The following ATF2 variants were observed in gnomAD, a reference collection of about 807,000 sequenced individuals.
ATF2 encodes cyclic AMP-dependent transcription factor ATF-2.
A neutral mutation model predicts 60.6 loss-of-function variants in ATF2; 24 were observed. The ratio of observed to expected loss-of-function variants is 0.40; its 90% CI spans 0.29 to 0.56. The LOEUF (loss-of-function observed/expected upper bound fraction) is 0.56. ATF2 is among the 20% of genes least tolerant of loss of function. The pLI is 0.54. For missense variants in ATF2, 433 were observed against 607.7 expected, an observed-to-expected ratio of 0.71 and a Z score of 3.02; for synonymous variants, 206 against 215.4, an observed-to-expected ratio of 0.96 and a Z score of 0.38.
intron 5 of ATF2, among the ~76,000 whole-genome samples, chr2:175,119,152 G>A (rs1696782380): frequency 6.6e-6 from 1 of 151,608 alleles, no homozygotes; most frequent in South Asian, 2.1e-4. Context: ...AAAAATGCCA[G>A]GTAAGATTTA....
chr2:175,160,828 C>A (rs1274434420), intron 1 of ATF2, among the ~76,000 whole-genome samples: 1 of 151,938 alleles, frequency 6.6e-6, no homozygotes, highest in African/African-American at 2.4e-5. Context: ...ATCGCTTGAG[C>A]CTGGGAGTTT....
intron 1 of ATF2, among the ~76,000 whole-genome samples, chr2:175,161,981 G>A (rs534856066): frequency 1.6e-4 from 24 of 152,132 alleles, no homozygotes; most frequent in Admixed American, 1.4e-3. Context: ...GGCTGGTCTC[G>A]AACTCCTGAC....
chr2:175,084,438 G>A (rs926782167), intron 12 of ATF2, among the ~76,000 whole-genome samples: 12 of 135,498 alleles, frequency 8.9e-5, no homozygotes, highest in African/African-American at 2.5e-4. Context: ...GATGGGAACC[G>A]AACAATGAGA....
In ATF2 at chr2:175,072,410, G is replaced by T. The variant is rs1050210874; in HGVS notation, c.*2199C>A. 6.6e-6 allele frequency: 1 copy of T among 152,126 alleles called. No individual in the cohort carries two copies. Among genetic ancestry groups the T allele is most frequent in the Non-Finnish European group, 1.5e-5 (1 of 68,016 alleles). The allele number at this position is 152,126 out of a possible 1,614,324, so 9.4% of individuals were successfully genotyped here. A position where few individuals can be genotyped will look rare whatever the true frequency, so the allele number is the denominator to read the frequency against. On this transcript the variant is annotated 3_prime_UTR_variant, in exon 14 of 14. Transcript: ENST00000264110. ...CATCCTGAAAGTCAAAATGGAATTT[G>T]TGTTTATACAACTAATAATGATTTT...
intron 2 of ATF2, among the ~76,000 whole-genome samples, chr2:175,138,089 T>A (rs767212617): frequency 1.3e-5 from 2 of 152,200 alleles, no homozygotes. Flanking sequence ...ATTGTTAATA[T>A]ATCACATTAC....
chr2:175,163,709 C>T (rs1700161463), intron 1 of ATF2, among the ~76,000 whole-genome samples: 2 of 149,862 alleles, frequency 1.3e-5, no homozygotes, highest in Non-Finnish European at 3.0e-5. Flanking sequence ...TTTGGGAGGC[C>T]GAGGCAGGTT....
chr2:175,140,483 TAGA>T (rs1447181373), intron 2 of ATF2, among the ~76,000 whole-genome samples: 4 of 150,612 alleles, frequency 2.7e-5, no homozygotes, highest in African/African-American at 9.8e-5. Context: ...GGGACAGGAG[TAGA>T]AGGAGTGGGA....
chr2:175,101,055 G>A (rs1695279342), intron 10 of ATF2, among the ~76,000 whole-genome samples: 1 of 152,176 alleles, frequency 6.6e-6, no homozygotes, highest in Non-Finnish European at 1.5e-5. Flanking sequence ...ACAGAGACAT[G>A]CTCAAGACCA....
chr2:175,157,871 T>C (rs1699779539), intron 1 of ATF2, among the ~76,000 whole-genome samples: 1 of 151,954 alleles, frequency 6.6e-6, no homozygotes, highest in South Asian at 2.1e-4. Context: ...CAGGTGCCTG[T>C]AATCCCAGCT....
At chr2:175,157,401 T>A (rs1359860491) in intron 1 of ATF2, among the ~76,000 whole-genome samples, 1 of 152,154 alleles carries the variant, frequency 6.6e-6, no homozygotes, top group Non-Finnish European at 1.5e-5. Context: ...TCAGGAGTCT[T>A]GAGATCCCCT....
At chr2:175,128,760 C>T (rs1172437710) in intron 4 of ATF2, among the ~76,000 whole-genome samples, 1 of 151,916 alleles carries the variant, frequency 6.6e-6, no homozygotes, top group Admixed American at 6.6e-5. Context: ...AATTAAGATG[C>T]AAACCACAGA....
chr2:175,154,146 G>A (rs1270652223), intron 1 of ATF2, among the ~76,000 whole-genome samples: 4 of 150,108 alleles, frequency 2.7e-5, no homozygotes, highest in Non-Finnish European at 4.4e-5. Context: ...CCTGGGAGGC[G>A]GCGGTTGCAG....
chr2:175,106,226 T>A (rs913855386), intron 10 of ATF2, among the ~76,000 whole-genome samples: 13 of 152,114 alleles, frequency 8.5e-5, no homozygotes, highest in Non-Finnish European at 1.6e-4. Flanking sequence ...AAACCTTATA[T>A]CCAGTGTAAA....
chr2:175,090,361 A>C (rs1694462084), intron 12 of ATF2, among the ~76,000 whole-genome samples: 1 of 152,162 alleles, frequency 6.6e-6, no homozygotes, highest in African/African-American at 2.4e-5. Context: ...ATAATATTCC[A>C]TTGTACATAT....
chr2:175,161,643 A>T (rs1482318621), intron 1 of ATF2, among the ~76,000 whole-genome samples: 1 of 152,236 alleles, frequency 6.6e-6, no homozygotes, highest in African/African-American at 2.4e-5. Context: ...ATACTCATAT[A>T]CACTTTCTTT....
chr2:175,087,620 TAAAG>T (rs1288762480), intron 12 of ATF2, among the ~76,000 whole-genome samples: 4 of 152,110 alleles, frequency 2.6e-5, no homozygotes, highest in Admixed American at 1.3e-4. Context: ...CCCCCAAAAA[TAAAG>T]AAACAGTATG....
Position 175,118,024 on chromosome 2 carries a change from A to G in ATF2, c.413T>C (p.Leu138Ser). ...VVETTHQDSP[L>S]PHPESTTSDE... ...ACTGGTAGTAGACTCTGGGTGAGGT[A>G]AAGGACTATCCTGGTGAGTTGTTTC... The change falls in exon 7 of 14, where the codon TTA becomes TCA. Residue 138 changes from leucine (L) to serine (S), a missense_variant. Leu to Ser is a moderately radical substitution (Grantham distance 145). Around this residue, in one of 5 missense-constraint regions of ATF2, gnomAD observed 246 missense variants for 309.3 expected, o/e 0.80. Transcript: ENST00000264110. 4 of 1,611,500 alleles carry G rather than the reference A, an allele frequency of 2.5e-6. No individual in the cohort carries two copies. The highest frequency in any genetic ancestry group is 8.5e-7 in the Non-Finnish European group (1 of 1,178,458).
chr2:175,088,928 TC>T (rs1441244416), intron 12 of ATF2, among the ~76,000 whole-genome samples: 1 of 152,164 alleles, frequency 6.6e-6, no homozygotes, highest in African/African-American at 2.4e-5. Context: ...ATGCCTGTAA[TC>T]CCAGCACTTT....
At chr2:175,153,587 T>C (rs1699452354) in intron 1 of ATF2, among the ~76,000 whole-genome samples, 1 of 152,138 alleles carries the variant, frequency 6.6e-6, no homozygotes, top group Non-Finnish European at 1.5e-5. Context: ...CACAGCACTT[T>C]AGGAGGCCTA....
Sources: gnomAD v4.1 joint callset for allele counts (sites outside exome capture counted in the v4.1 genomes callset) on GRCh38, gnomAD v4.1.1 for gene constraint, gnomAD v4.1.1 regional missense constraint, MANE v1.5 for transcripts, NCBI Gene and HGNC (gene_info 2026-07-23, HGNC 2026-07-21) for gene names.